Variants in FAM241A observed in about 807,000 individuals in gnomAD.
The protein encoded by FAM241A is family with sequence similarity 241 member A.
FAM241A carries 7 observed loss-of-function variants against 12.2 expected under a neutral mutation model. The ratio of observed to expected loss-of-function variants is 0.58; its 90% CI spans 0.33 to 1.08. FAM241A has a LOEUF of 1.08. FAM241A is among the 50% of genes least tolerant of loss of function. FAM241A has a pLI of 0.04. For synonymous variants in FAM241A, 74 were observed against 68.2 expected (o/e 1.08, Z -0.42); for missense variants, 161 against 169.7 (o/e 0.95, Z 0.29).
Position 112,151,975 on chromosome 4 carries a change from T to C in FAM241A, c.153+6242T>C, listed in dbSNP as rs148783971. On this transcript the variant is annotated intron_variant, in intron 1 of 1. Transcript: ENST00000309733. ...TAGTTCAAAACTAAATATTAGTTTA[T>C]ACTCACTTCCTTTCACGTATTTTAA... Among the ~76,000 whole-genome samples the C allele has an allele frequency of 5.9e-3, 893 of 152,366 alleles. 13 individuals carry two copies. Among genetic ancestry groups the C allele is most frequent in the African/African-American group, 0.02 (849 of 41,594 alleles).
At chr4:112,184,049 G>A (rs1013959698) in intron 1 of FAM241A, among the ~76,000 whole-genome samples, 2 of 152,020 alleles carry the variant, frequency 1.3e-5, no homozygotes, top group Non-Finnish European at 2.9e-5. Flanking sequence ...TATCAAAAAA[G>A]GATCACATAA....
intron 1 of FAM241A, among the ~76,000 whole-genome samples, chr4:112,173,043 A>G (rs1437424943): frequency 6.6e-6 from 1 of 152,032 alleles, no homozygotes; most frequent in African/African-American, 2.4e-5. Context: ...ACACACCACC[A>G]TACCCCGCTA....
chr4:112,176,032 C>T (rs1211731916), intron 1 of FAM241A, among the ~76,000 whole-genome samples: 1 of 152,180 alleles, frequency 6.6e-6, no homozygotes, highest in Non-Finnish European at 1.5e-5. Context: ...CGTCAACTCA[C>T]TCAGCAAAAG....
chr4:112,187,787 A>G lies in FAM241A; in HGVS notation c.*849A>G, dbSNP rs1432154345. ...AGTGTATTTTTTTTTAGAAATTTAT[A>G]ATTTTATAGTTCTTTCATAACACTT... On this transcript the variant is annotated 3_prime_UTR_variant, in exon 2 of 2. Coordinates refer to ENST00000309733, the MANE Select transcript of FAM241A (RefSeq NM_152400.3). 6.6e-6 allele frequency: 1 copy of G among 152,312 alleles called. No homozygotes were observed. Among genetic ancestry groups the G allele is most frequent in the Non-Finnish European group, 1.5e-5 (1 of 67,938 alleles). The allele number at this position is 152,312 out of a possible 1,614,324, so 9.4% of individuals were successfully genotyped here.
At position 112,194,323 on chromosome 4, in the gene FAM241A, A is replaced by C. The variant is rs1030703092; in HGVS notation, c.*7385A>C. On this transcript the variant is annotated 3_prime_UTR_variant, in exon 2 of 2. Transcript: ENST00000309733. ...GGACAATTTGACTTCCTCTTTTCCT[A>C]ATTGAATACTTTTTACTTCCTTCTC... 8 of 152,246 alleles carry C rather than the reference A, an allele frequency of 5.3e-5. No individual in the cohort carries two copies. Among genetic ancestry groups the C allele is most frequent in the African/African-American group, 1.9e-4 (8 of 41,512 alleles). 9.4% of individuals were successfully genotyped at this position (152,246 alleles called of 1,614,324 possible). A position where few individuals can be genotyped will look rare whatever the true frequency, so the allele number is the denominator to read the frequency against.
intron 1 of FAM241A, chr4:112,171,358 A>G: frequency 5.3e-6 from 4 of 757,330 alleles, no homozygotes; most frequent in South Asian, 1.3e-5. Flanking sequence ...CAGAGTGACT[A>G]TGGGGGACAA....
chr4:112,159,279 T>G (rs1185053563), intron 1 of FAM241A, among the ~76,000 whole-genome samples: 1 of 152,216 alleles, frequency 6.6e-6, no homozygotes, highest in African/African-American at 2.4e-5. Flanking sequence ...ATCTAGATTC[T>G]CAATTCTTTC....
In FAM241A at chr4:112,145,631, CGAG is replaced by C. The variant is rs1723118678; in HGVS notation, c.54_56del (p.Glu18del). On this transcript the variant is annotated inframe_deletion, in exon 1 of 2. Coordinates refer to ENST00000309733, the MANE Select transcript of FAM241A (RefSeq NM_152400.3). ...GGGGCGGCGACGGCGGGGAACGCGA[CGAG>C]GACGGGGACGCGCTGGCGGAGCGGG... The C allele has an allele frequency of 2.4e-6, 3 of 1,226,154 alleles. No homozygotes were observed. The allele number at this position is 1,226,154 out of a possible 1,614,324, so 76.0% of individuals were successfully genotyped here. A position where few individuals can be genotyped will look rare whatever the true frequency, so the allele number is the denominator to read the frequency against.
At chr4:112,151,809 CA>C (rs1723249769) in intron 1 of FAM241A, among the ~76,000 whole-genome samples, 1 of 152,168 alleles carries the variant, frequency 6.6e-6, no homozygotes, top group Non-Finnish European at 1.5e-5. Context: ...ACAGCTAACT[CA>C]TGCTAGAGCA....
intron 1 of FAM241A, among the ~76,000 whole-genome samples, chr4:112,173,305 A>G (rs1278326489): frequency 6.6e-6 from 1 of 152,254 alleles, no homozygotes; most frequent in Non-Finnish European, 1.5e-5. Context: ...GAGAGTTATA[A>G]ATAATGATAG....
At position 112,189,691 on chromosome 4, in the gene FAM241A, C is replaced by G. The variant is rs1033305077; in HGVS notation, c.*2753C>G. The G allele has an allele frequency of 2.6e-5, 4 of 152,172 alleles. No individual in the cohort carries two copies. The highest frequency in any genetic ancestry group is 9.7e-5 in the African/African-American group (4 of 41,448). The allele number at this position is 152,172 out of a possible 1,614,324, so 9.4% of individuals were successfully genotyped here. A position where few individuals can be genotyped will look rare whatever the true frequency, so the allele number is the denominator to read the frequency against. Reference sequence around the variant, plus strand: ...CATTCCTGGCTACAGGCAGATCATTCCTAGTCCAGTAGTGTGCTGGAGCAA... The same window carrying G: ...CATTCCTGGCTACAGGCAGATCATTGCTAGTCCAGTAGTGTGCTGGAGCAA... On this transcript the variant is annotated 3_prime_UTR_variant, in exon 2 of 2. Coordinates refer to ENST00000309733, the MANE Select transcript of FAM241A (RefSeq NM_152400.3).
Position 112,189,014 on chromosome 4 carries a change from T to A in FAM241A, c.*2076T>A, listed in dbSNP as rs1259275549. 6.6e-6 allele frequency: 1 copy of A among 152,194 alleles called. No individual in the cohort carries two copies. The highest frequency in any genetic ancestry group is 6.5e-5 in the Admixed American group (1 of 15,286). 9.4% of individuals were successfully genotyped at this position (152,194 alleles called of 1,614,324 possible). A position where few individuals can be genotyped will look rare whatever the true frequency, so the allele number is the denominator to read the frequency against. On this transcript the variant is annotated 3_prime_UTR_variant, in exon 2 of 2. Coordinates refer to ENST00000309733, the MANE Select transcript of FAM241A (RefSeq NM_152400.3). ...TATGTAATGGAAATAAAATATTTTC[T>A]TTTATGAAATATATTAGAATGCAGA... is the stretch of plus-strand genomic sequence containing the variant.
At position 112,187,071 on chromosome 4, in the gene FAM241A, T is replaced by TTA. The variant is rs1724063226; in HGVS notation, c.*136_*137dup. On this transcript the variant is annotated 3_prime_UTR_variant, in exon 2 of 2. Transcript: ENST00000309733. ...TGTGCTGGCTGTTTTGTAAGTAAAT[T>TTA]TATACATGGATGTCACTTAAAACTA... The TTA allele has an allele frequency of 1.1e-6, 1 of 940,478 alleles. No homozygotes were observed. The highest frequency in any genetic ancestry group is 1.6e-6 in the Non-Finnish European group (1 of 618,916). The allele number at this position is 940,478 out of a possible 1,614,324, so 58.3% of individuals were successfully genotyped here.
Position 112,172,677 on chromosome 4 carries a change from T to C in FAM241A, c.154-14016T>C, listed in dbSNP as rs1288788164. Among the ~76,000 whole-genome samples, 9 of 152,320 alleles carry C rather than the reference T, an allele frequency of 5.9e-5. No homozygotes were observed. The East Asian group carries it at 1.7e-3, about 29-fold the overall frequency. On this transcript the variant is annotated intron_variant, in intron 1 of 1. Coordinates refer to ENST00000309733, the MANE Select transcript of FAM241A (RefSeq NM_152400.3). Reference sequence around the variant, plus strand: ...TATAAATGTTAACCTCCACACTAGATTGTTAGCTTCTCAAAGTTAAGGATG... The same window carrying C: ...TATAAATGTTAACCTCCACACTAGACTGTTAGCTTCTCAAAGTTAAGGATG...
In FAM241A at chr4:112,190,523, T is replaced by TA. The variant is rs35306632; in HGVS notation, c.*3604dup. The TA allele has an allele frequency of 0.31, 36,974 of 121,130 alleles. 6,070 individuals are homozygous for TA. Among genetic ancestry groups the TA allele is most frequent in the African/African-American group, 0.46 (14,800 of 31,966 alleles). The allele number at this position is 121,130 out of a possible 1,614,324, so 7.5% of individuals were successfully genotyped here. A position where few individuals can be genotyped will look rare whatever the true frequency, so the allele number is the denominator to read the frequency against. On this transcript the variant is annotated 3_prime_UTR_variant, in exon 2 of 2. Transcript: ENST00000309733. ...CAACATGGAGAAACCCCGTCTCTAC[T>TA]AAAAAAAAAAAAAAAAAAATACAAA...
In FAM241A at chr4:112,189,121, C is replaced by A. The variant is rs1222961171; in HGVS notation, c.*2183C>A. The A allele has an allele frequency of 2.0e-5, 3 of 152,014 alleles. No homozygotes were observed. The highest frequency in any genetic ancestry group is 7.2e-5 in the African/African-American group (3 of 41,386). The allele number at this position is 152,014 out of a possible 1,614,324, so 9.4% of individuals were successfully genotyped here. A position where few individuals can be genotyped will look rare whatever the true frequency, so the allele number is the denominator to read the frequency against. On this transcript the variant is annotated 3_prime_UTR_variant, in exon 2 of 2. Coordinates refer to ENST00000309733, the MANE Select transcript of FAM241A (RefSeq NM_152400.3). ...TTAGATTGGGCCGGGCGCGGTGGCT[C>A]ACGCCTGTAATCCTAGCACTTTGGG...
Position 112,176,023 on chromosome 4 carries a change from G to A in FAM241A, c.154-10670G>A, listed in dbSNP as rs558927603. On this transcript the variant is annotated intron_variant, in intron 1 of 1. Coordinates refer to ENST00000309733, the MANE Select transcript of FAM241A (RefSeq NM_152400.3). ...GACAGTTATAAGTGAATCTTAAATC[G>A]TCAACTCACTCAGCAAAAGCCTATT... Among the ~76,000 whole-genome samples the A allele has an allele frequency of 8.5e-5, 13 of 152,186 alleles. No individual in the cohort carries two copies. In the East Asian group the frequency reaches 9.7e-4, roughly 11 times the overall value.
intron 1 of FAM241A, among the ~76,000 whole-genome samples, chr4:112,149,724 A>G (rs1723209179): frequency 6.6e-6 from 1 of 152,220 alleles, no homozygotes; most frequent in Admixed American, 6.5e-5. Flanking sequence ...CCAATTTCAT[A>G]GGTGAAACTT....
chr4:112,165,435 C>CA (rs1466129500), intron 1 of FAM241A, among the ~76,000 whole-genome samples: 1 of 150,800 alleles, frequency 6.6e-6, no homozygotes, highest in Non-Finnish European at 1.5e-5. Flanking sequence ...ATTAGTATCT[C>CA]AAAGAGATAT....
Sources: gnomAD v4.1 joint callset for allele counts (sites outside exome capture counted in the v4.1 genomes callset) on GRCh38, gnomAD v4.1.1 for gene constraint, MANE v1.5 for transcripts, NCBI Gene and HGNC (gene_info 2026-07-23, HGNC 2026-07-21) for gene names.